Variants in PHIP observed in about 807,000 individuals in gnomAD.
PHIP encodes PHIP subunit of CUL4-Ring ligase complex.
A neutral mutation model predicts 236.8 loss-of-function variants in PHIP; 54 were observed. The observed-to-expected ratio is 0.23, with a 90% confidence interval of 0.18 to 0.29. The LOEUF (loss-of-function observed/expected upper bound fraction) is 0.29. Among genes scored for constraint, PHIP ranks in the 10% least tolerant of loss-of-function variants. The pLI is 1.00. For synonymous variants in PHIP, 756 were observed against 718.9 expected, an observed-to-expected ratio of 1.05 and a Z score of -0.83; for missense variants, 1,370 against 2,190.8, an observed-to-expected ratio of 0.63 and a Z score of 7.48.
rs1266467253 is a variant in PHIP at position 79,015,746 on chromosome 6, T to C, written c.1273A>G (p.Met425Val). ...LQGIEDKITK[M>V]KVTMVAWDRH... ...TCCCAAGCTACCATAGTAACCTTCA[T>C]TTTTGTGATTTTATCTTCTATTCCT... The change falls in exon 14 of 40, where the codon ATG becomes GTG. Residue 425 changes from methionine to valine, a missense_variant. Met to Val is a conservative substitution (Grantham distance 21). Coordinates refer to ENST00000275034, the MANE Select transcript of PHIP (RefSeq NM_017934.7). 3 of 1,611,458 alleles carry C rather than the reference T, an allele frequency of 1.9e-6. No individual in the cohort carries two copies. Among genetic ancestry groups the C allele is most frequent in the South Asian group, 1.1e-5 (1 of 90,912 alleles).
chr6:79,063,459 C>G (rs1773476432), intron 4 of PHIP, among the ~76,000 whole-genome samples: 1 of 152,202 alleles, frequency 6.6e-6, no homozygotes, highest in South Asian at 2.1e-4. Context: ...CTCTGTCACC[C>G]AGGACGGAGT....
chr6:78,981,474 AG>A (rs1353998042), intron 23 of PHIP, among the ~76,000 whole-genome samples: 2 of 152,034 alleles, frequency 1.3e-5, no homozygotes, highest in African/African-American at 4.8e-5. Flanking sequence ...CTATTGGCAG[AG>A]TCATCCTATC....
Position 78,946,068 on chromosome 6 carries a change from T to C in PHIP, c.4563A>G (p.Pro1521=), listed in dbSNP as rs757356544. Reference sequence around the variant, plus strand: ...AAGTCTTTGCAGCTGAAGAAGTAGATGGTTGCTCAGTGACAACTGGATCTA... The same window carrying C: ...AAGTCTTTGCAGCTGAAGAAGTAGACGGTTGCTCAGTGACAACTGGATCTA... ...VVVDPVVTEQ[P]STSSAAKTFI... Residue 1521 remains proline (P), a synonymous_variant, in exon 38 of 40, where the codon CCA becomes CCG. Transcript: ENST00000275034. The C allele has an allele frequency of 2.0e-5, 33 of 1,612,748 alleles. No homozygotes were observed. The highest frequency in any genetic ancestry group is 2.0e-4 in the South Asian group (18 of 91,058).
At chr6:79,061,700 T>C (rs1454018511) in intron 4 of PHIP, among the ~76,000 whole-genome samples, 1 of 152,140 alleles carries the variant, frequency 6.6e-6, no homozygotes. Context: ...TACCAATAGA[T>C]TATAAGCTAC....
chr6:78,955,898 C>G (rs577852853), intron 32 of PHIP: 1 of 292,998 alleles, frequency 3.4e-6, no homozygotes, highest in South Asian at 1.5e-4. Flanking sequence ...TATCATTACA[C>G]CAAACCCAAG....
At chr6:78,977,571 A>G (rs1032302464) in intron 24 of PHIP, among the ~76,000 whole-genome samples, 1 of 141,300 alleles carries the variant, frequency 7.1e-6, no homozygotes, top group Non-Finnish European at 1.6e-5. Flanking sequence ...ATGATGGAAT[A>G]GTGCTGAATA....
intron 4 of PHIP, among the ~76,000 whole-genome samples, chr6:79,074,644 A>G (rs1180091646): frequency 6.6e-6 from 1 of 152,112 alleles, no homozygotes; most frequent in Non-Finnish European, 1.5e-5. Flanking sequence ...TTTAAATCTT[A>G]AGGTAGATGG....
At chr6:79,019,183 T>G in intron 9 of PHIP, 24 bp from the exon 10 acceptor site, 1 of 1,545,732 alleles carries the variant, frequency 6.5e-7, no homozygotes, top group Non-Finnish European at 8.9e-7. Flanking sequence ...AATAAAGAAT[T>G]AAAAATATCC....
chr6:79,077,997 G>A, intron 1 of PHIP, 32 bp downstream of exon 1: 3 of 1,606,772 alleles, frequency 1.9e-6, no homozygotes, highest in Non-Finnish European at 2.5e-6. Flanking sequence ...GAATCGCCCG[G>A]TGCCAGCGGC....
chr6:78,996,647 T>C (rs997667316), intron 19 of PHIP, among the ~76,000 whole-genome samples: 2 of 152,202 alleles, frequency 1.3e-5, no homozygotes, highest in Non-Finnish European at 2.9e-5. Context: ...TAATTCTAAA[T>C]CCTAACATAA....
intron 20 of PHIP, among the ~76,000 whole-genome samples, chr6:78,988,858 T>TC (rs1769034353): frequency 6.6e-6 from 1 of 152,126 alleles, no homozygotes; most frequent in African/African-American, 2.4e-5. Context: ...GATAATGGGC[T>TC]ATGAGGCATA....
At chr6:78,995,996 C>T (rs1029727524) in intron 19 of PHIP, among the ~76,000 whole-genome samples, 1 of 152,082 alleles carries the variant, frequency 6.6e-6, no homozygotes, top group Non-Finnish European at 1.5e-5. Flanking sequence ...AATAGTTAAG[C>T]CCAATGATAA....
At chr6:78,955,720 C>A in intron 32 of PHIP, 38 bp from the exon 33 acceptor site, 1 of 696,206 alleles carries the variant, frequency 1.4e-6, no homozygotes, top group Non-Finnish European at 2.5e-6. Context: ...AAGATTAGAA[C>A]CATGATAATT....
chr6:79,009,739 G>A lies in PHIP; in HGVS notation c.1524+5343C>T, dbSNP rs150122820. Among the ~76,000 whole-genome samples, 97 of 152,058 alleles carry A rather than the reference G, an allele frequency of 6.4e-4. 1 individual carries two copies. In the South Asian group the frequency reaches 8.1e-3, roughly 13 times the overall value. ...TCAAATCTCAAATACCCTTGTGATAGCAAGTCATGGACTATGTCAAAGAAT... is the reference window on the plus strand; with the variant it reads ...TCAAATCTCAAATACCCTTGTGATAACAAGTCATGGACTATGTCAAAGAAT... On this transcript the variant is annotated intron_variant, in intron 15 of 39. Transcript: ENST00000275034.
chr6:78,948,984 C>G (rs114247321), intron 35 of PHIP, among the ~76,000 whole-genome samples: 221 of 152,184 alleles, frequency 1.5e-3, no homozygotes, highest in African/African-American at 4.9e-3. Flanking sequence ...ATTTCCTTTT[C>G]TTGCCTTATT....
chr6:79,005,566 A>G (rs1160493345), intron 15 of PHIP, among the ~76,000 whole-genome samples: 1 of 152,026 alleles, frequency 6.6e-6, no homozygotes, highest in Non-Finnish European at 1.5e-5. Flanking sequence ...TGTGTTGTTA[A>G]ATGATTTTTT....
Position 79,017,394 on chromosome 6 carries a change from TA to T in PHIP, c.1096-9del. The T allele has an allele frequency of 6.3e-7, 1 of 1,584,354 alleles. No individual in the cohort carries two copies. The highest frequency in any genetic ancestry group is 8.6e-7 in the Non-Finnish European group (1 of 1,160,224). On this transcript the variant is annotated splice_polypyrimidine_tract_variant and intron_variant, in intron 11 of 39. Transcript: ENST00000275034. ...GATACTGTCAACTTTGTCCTATATA[TA>T]AACAAATAAACAAAAAAGTGGGTGC...
intron 6 of PHIP, among the ~76,000 whole-genome samples, chr6:79,043,736 C>T (rs1196206546): frequency 6.6e-6 from 1 of 151,870 alleles, no homozygotes; most frequent in Admixed American, 6.6e-5. Context: ...ATTTTCTATA[C>T]TGGTAACTTA....
intron 6 of PHIP, among the ~76,000 whole-genome samples, chr6:79,055,600 T>C (rs1351793586): frequency 6.6e-6 from 1 of 152,202 alleles, no homozygotes; most frequent in Non-Finnish European, 1.5e-5. Context: ...TCTTTGCTTT[T>C]GAAAACAGTA....
Sources: gnomAD v4.1 joint callset for allele counts (sites outside exome capture counted in the v4.1 genomes callset) on GRCh38, gnomAD v4.1.1 for gene constraint, MANE v1.5 for transcripts, NCBI Gene and HGNC (gene_info 2026-07-23, HGNC 2026-07-21) for gene names.